ST7L: variants seen among roughly 807,000 people sequenced by gnomAD.
The protein encoded by ST7L is suppressor of tumorigenicity 7 protein-like.
A neutral mutation model predicts 72.5 loss-of-function variants in ST7L; 57 were observed. That is an observed-to-expected ratio of 0.79 (90% CI 0.64 to 0.98). The LOEUF (loss-of-function observed/expected upper bound fraction) is 0.98, where lower values mean the gene tolerates loss of function less well. Among genes scored for constraint, ST7L ranks in the 50% least tolerant of loss-of-function variants. The pLI, the probability that ST7L is intolerant of heterozygous loss-of-function variation, is 0.00. For synonymous variants in ST7L, 221 were observed against 240.9 expected (o/e 0.92, Z 0.77); for missense variants, 576 against 672.2 (o/e 0.86, Z 1.58).
At chr1:112,577,154 A>G in intron 10 of ST7L, 66 bp from the exon 11 acceptor site, 1 of 1,042,386 alleles carries the variant, frequency 9.6e-7, no homozygotes, top group Non-Finnish European at 1.4e-6. Flanking sequence ...ATGAATTTAG[A>G]TAATAATACA....
At chr1:112,540,921 T>G (rs1318124510) in intron 14 of ST7L, 3 of 1,127,998 alleles carry the variant, frequency 2.7e-6, no homozygotes, top group Non-Finnish European at 3.5e-6. Flanking sequence ...TTAAAAAGGC[T>G]TGGAGACTTA....
chr1:112,519,444 G>A (rs1652736961), downstream of ST7L, among the ~76,000 whole-genome samples: 1 of 152,018 alleles, frequency 6.6e-6, no homozygotes, highest in Admixed American at 6.6e-5. Flanking sequence ...ATTAACCATG[G>A]AAAAGCTTGG....
At chr1:112,598,931 C>T (rs529198446) in intron 4 of ST7L, among the ~76,000 whole-genome samples, 145 of 149,534 alleles carry the variant, frequency 9.7e-4, no homozygotes, top group African/African-American at 3.2e-3. Context: ...GTGGTAGCGG[C>T]CGCCTGTGAT....
chr1:112,532,503 C>T (rs2101219026), intron 14 of ST7L, among the ~76,000 whole-genome samples: 1 of 152,268 alleles, frequency 6.6e-6, no homozygotes, highest in South Asian at 2.1e-4. Flanking sequence ...AATGTGCTCC[C>T]TTCTCCAACT....
intron 6 of ST7L, among the ~76,000 whole-genome samples, chr1:112,590,238 T>G (rs1380180129): frequency 6.6e-6 from 1 of 152,140 alleles, no homozygotes; most frequent in East Asian, 1.9e-4. Context: ...TTCCACTTCC[T>G]CTGGTACTAG....
intron 5 of ST7L, 114 bp from the exon 6 acceptor site, chr1:112,591,717 C>T (rs1442108019): frequency 4.8e-6 from 3 of 620,368 alleles, no homozygotes; most frequent in Non-Finnish European, 7.7e-6. Context: ...CTTAAACATA[C>T]AAAACAAGAA....
intron 2 of ST7L, among the ~76,000 whole-genome samples, chr1:112,614,900 G>A (rs1669628981): frequency 6.6e-6 from 1 of 152,164 alleles, no homozygotes; most frequent in South Asian, 2.1e-4. Flanking sequence ...TAGTAAACAT[G>A]ACATCCTAGG....
rs1653170690 is a variant in ST7L at position 112,524,893 on chromosome 1, T to C, written c.*1120A>G. On this transcript the variant is annotated 3_prime_UTR_variant, in exon 15 of 15. Coordinates refer to ENST00000358039, the MANE Select transcript of ST7L (RefSeq NM_017744.5). ...TTTCGATCCAGTACTTCAAAAAGGA[T>C]ACCAATAGGGTCTGGCTTTAATCAA... The C allele has an allele frequency of 6.6e-6, 1 of 152,142 alleles. No individual in the cohort carries two copies. Among genetic ancestry groups the C allele is most frequent in the African/African-American group, 2.4e-5 (1 of 41,412 alleles). 9.4% of individuals were successfully genotyped at this position (152,142 alleles called of 1,614,324 possible). A position where few individuals can be genotyped will look rare whatever the true frequency, so the allele number is the denominator to read the frequency against.
chr1:112,553,311 C>T (rs1328740433), intron 12 of ST7L, among the ~76,000 whole-genome samples: 2 of 151,938 alleles, frequency 1.3e-5, no homozygotes, highest in Non-Finnish European at 2.9e-5. Context: ...AATTTCTGGC[C>T]TCAAGTGATC....
At chr1:112,618,154 T>C (rs1373678819) in intron 1 of ST7L, 1 of 1,267,120 alleles carries the variant, frequency 7.9e-7, no homozygotes, top group Non-Finnish European at 1.0e-6. Context: ...TATAATCACA[T>C]GGTAAGGGGA....
chr1:112,617,727 A>G (rs941763925), intron 1 of ST7L, among the ~76,000 whole-genome samples: 3 of 149,850 alleles, frequency 2.0e-5, no homozygotes, highest in Non-Finnish European at 4.4e-5. Context: ...TCACACACAC[A>G]CACACACACA....
In ST7L at chr1:112,560,800, A is replaced by G. The variant is rs144154721; in HGVS notation, c.1246-4782T>C. ...AACATGGTAAAACCCCATCTCTACTAAAGACACAAAAAATTAGCCAGGCAT... is the reference window on the plus strand; with the variant it reads ...AACATGGTAAAACCCCATCTCTACTGAAGACACAAAAAATTAGCCAGGCAT... On this transcript the variant is annotated intron_variant, in intron 11 of 14. Coordinates refer to ENST00000358039, the MANE Select transcript of ST7L (RefSeq NM_017744.5). Among the ~76,000 whole-genome samples the G allele has an allele frequency of 3.0e-3, 463 of 152,062 alleles. 4 individuals carry two copies. The highest frequency in any genetic ancestry group is 0.01 in the African/African-American group (434 of 41,462).
In ST7L at chr1:112,555,477, A is replaced by C. The variant is rs183196662; in HGVS notation, c.1396+391T>G. On this transcript the variant is annotated intron_variant, in intron 12 of 14. Transcript: ENST00000358039. Reference sequence around the variant, plus strand: ...CTACTTGGGAGGCTGAGGCAGGAGAACGGCATGAACCCAGGAGGCAGAGCT... The same window carrying C: ...CTACTTGGGAGGCTGAGGCAGGAGACCGGCATGAACCCAGGAGGCAGAGCT... 4.1e-3 allele frequency among the ~76,000 whole-genome samples: 620 copies of C among 152,188 alleles called. 3 individuals carry two copies. The highest frequency in any genetic ancestry group is 0.014 in the African/African-American group (598 of 41,522).
At chr1:112,579,486 G>A (rs560459079) in intron 9 of ST7L, among the ~76,000 whole-genome samples, 3 of 148,842 alleles carry the variant, frequency 2.0e-5, no homozygotes, top group Non-Finnish European at 4.4e-5. Flanking sequence ...CCTATTCATA[G>A]AGAAAAACTA....
intron 7 of ST7L, 152 bp downstream of exon 7, chr1:112,583,820 G>T: frequency 3.7e-6 from 3 of 806,672 alleles, no homozygotes; most frequent in Non-Finnish European, 5.7e-6. Flanking sequence ...TTTCTGTCTT[G>T]CTGGCTTGTA....
chr1:112,572,731 T>G (rs1421968338), intron 11 of ST7L, among the ~76,000 whole-genome samples: 1 of 151,990 alleles, frequency 6.6e-6, no homozygotes, highest in African/African-American at 2.4e-5. Flanking sequence ...AAAGAAAATA[T>G]TTTGAACTAA....
chr1:112,617,881 CTTCA>C, intron 1 of ST7L: 1 of 677,170 alleles, frequency 1.5e-6, no homozygotes, highest in Non-Finnish European at 2.2e-6. Flanking sequence ...CCGTTAAGCA[CTTCA>C]TTCACCTGTT....
intron 5 of ST7L, among the ~76,000 whole-genome samples, chr1:112,593,347 T>C (rs1335117795): frequency 1.3e-5 from 2 of 152,182 alleles, no homozygotes; most frequent in Non-Finnish European, 2.9e-5. Context: ...TGGTATTCAA[T>C]TGTCCTCTTT....
At chr1:112,599,649 A>G (rs1361749546) in intron 4 of ST7L, among the ~76,000 whole-genome samples, 2 of 152,180 alleles carry the variant, frequency 1.3e-5, no homozygotes, top group Non-Finnish European at 2.9e-5. Flanking sequence ...TTACATTCAG[A>G]GTGATATTTT....
Sources: gnomAD v4.1 joint callset for allele counts (sites outside exome capture counted in the v4.1 genomes callset) on GRCh38, gnomAD v4.1.1 for gene constraint, MANE v1.5 for transcripts, NCBI Gene and HGNC (gene_info 2026-07-23, HGNC 2026-07-21) for gene names.